CACNA1C: variants seen among roughly 807,000 people sequenced by gnomAD.
The protein encoded by CACNA1C is calcium voltage-gated channel subunit alpha1 C, also known as voltage-dependent L-type calcium channel subunit alpha-1C.
A neutral mutation model predicts 229.0 loss-of-function variants in CACNA1C; 30 were observed. The observed-to-expected ratio is 0.13, with a 90% CI of 0.10 to 0.18. The LOEUF (loss-of-function observed/expected upper bound fraction) is 0.18, where lower values mean the gene tolerates loss of function less well. Among genes scored for constraint, CACNA1C ranks in the 10% least tolerant of loss-of-function variants. The probability of loss-of-function intolerance (pLI) is 1.00; values close to 1 mark genes in which losing one functional copy is unlikely to be tolerated. For missense variants in CACNA1C, 1,658 were observed against 2,845.0 expected, an observed-to-expected ratio of 0.58 and a Z score of 9.49; for synonymous variants, 1,114 against 1,132.5, an observed-to-expected ratio of 0.98 and a Z score of 0.33.
rs943097581 is a variant in CACNA1C at position 2,117,007 on chromosome 12, G to A, written c.371+1462G>A. 3.3e-5 allele frequency among the ~76,000 whole-genome samples: 5 copies of A among 152,310 alleles called. No individual in the cohort carries two copies. In the East Asian group the frequency reaches 7.7e-4, roughly 24 times the overall value. Reference sequence around the variant, plus strand: ...TTTGAGGCCAGGTGCGGTGGCTCACGCCTGTAATCCCAGCACTTTGGGAAG... The same window carrying A: ...TTTGAGGCCAGGTGCGGTGGCTCACACCTGTAATCCCAGCACTTTGGGAAG... On this transcript the variant is annotated intron_variant, in intron 2 of 46. Transcript: ENST00000399655.
chr12:2,198,750 T>C (rs1369538753), intron 3 of CACNA1C, among the ~76,000 whole-genome samples: 1 of 152,144 alleles, frequency 6.6e-6, no homozygotes, highest in African/African-American at 2.4e-5. Context: ...AACTGCCCAC[T>C]ACGTGCTGTC....
At chr12:2,167,001 C>A (rs567249418) in intron 3 of CACNA1C, among the ~76,000 whole-genome samples, 1 of 152,264 alleles carries the variant, frequency 6.6e-6, no homozygotes, top group South Asian at 2.1e-4. Flanking sequence ...TAGAAAAGGG[C>A]GACCCATGAG....
chr12:2,069,032 G>A lies in CACNA1C; in HGVS notation c.49+15421G>A, dbSNP rs935054294. On this transcript the variant is annotated intron_variant, in intron 1 of 46. Coordinates refer to ENST00000399655, the MANE Select transcript of CACNA1C (RefSeq NM_000719.7). ...TCTGCATTTCTTTGGAGTTTGACTT[G>A]GCTTTAATAAAATGAAGGAGAAAAG... Among the ~76,000 whole-genome samples, 5 of 152,264 alleles carry A rather than the reference G, an allele frequency of 3.3e-5. No homozygotes were observed. In the East Asian group the frequency reaches 9.6e-4, roughly 29 times the overall value.
At chr12:2,432,561 C>T (rs1268465920) in intron 3 of CACNA1C, among the ~76,000 whole-genome samples, 1 of 152,112 alleles carries the variant, frequency 6.6e-6, no homozygotes, top group Non-Finnish European at 1.5e-5. Context: ...GGATTAGTGG[C>T]CGGGGCTAAG....
Position 2,019,489 on chromosome 12 carries a change from A to AAGGGAGGG in CACNA1C, c.139+48304_139+48311dup, listed in dbSNP as rs139670456. Among the ~76,000 whole-genome samples, 1,215 of 129,080 alleles carry AAGGGAGGG rather than the reference A, an allele frequency of 9.4e-3. 25 individuals are homozygous for AAGGGAGGG. Among genetic ancestry groups the AAGGGAGGG allele is most frequent in the African/African-American group, 0.033 (1,148 of 35,286 alleles). 84.7% of individuals were successfully genotyped at this position (129,080 alleles called of 152,430 possible). ...ATAAACATAACAAAGAAAGAAAAGA[A>AAGGGAGGG]AGGGAGGGAGGGAGGGAGGGAGGAA... On this transcript the variant is annotated intron_variant, in intron 1 of 46. Coordinates refer to the CACNA1C transcript ENST00000682462.
At chr12:2,175,026 A>G (rs1468704240) in intron 3 of CACNA1C, among the ~76,000 whole-genome samples, 1 of 150,096 alleles carries the variant, frequency 6.7e-6, no homozygotes, top group Non-Finnish European at 1.5e-5. Flanking sequence ...GAAAATCCAC[A>G]TGTAAGTGAC....
In CACNA1C at chr12:2,632,343, C is replaced by T. The variant is rs896732646; in HGVS notation, c.3829-1954C>T. 1.5e-4 allele frequency among the ~76,000 whole-genome samples: 22 copies of T among 151,670 alleles called. No individual in the cohort carries two copies. Among genetic ancestry groups the T allele is most frequent in the African/African-American group, 4.9e-4 (20 of 41,214 alleles). On this transcript the variant is annotated intron_variant, in intron 29 of 46. Coordinates refer to ENST00000399655, the MANE Select transcript of CACNA1C (RefSeq NM_000719.7). This position sits in a 1 kb window ranked among gnomAD's most constrained non-coding sequence, Gnocchi z 4.1. ...GCTGGGGGTGTATGGGGAATATGAT[C>T]GCCTGTAGCTGGGGGTGTATGCACC...
intron 5 of CACNA1C, among the ~76,000 whole-genome samples, chr12:2,477,247 A>G (rs150234387): frequency 1.1e-3 from 163 of 152,330 alleles, no homozygotes; most frequent in African/African-American, 3.7e-3. Context: ...TGTCACCACC[A>G]CAAATGCTGA....
At chr12:2,184,013 A>G (rs1488554769) in intron 3 of CACNA1C, among the ~76,000 whole-genome samples, 1 of 152,180 alleles carries the variant, frequency 6.6e-6, no homozygotes, top group Non-Finnish European at 1.5e-5. Flanking sequence ...CCTGGTCTGA[A>G]AGCTTTTGCA....
chr12:2,169,205 A>G (rs1449824474), intron 3 of CACNA1C, among the ~76,000 whole-genome samples: 2 of 152,060 alleles, frequency 1.3e-5, no homozygotes, highest in Admixed American at 6.6e-5. Context: ...CAGCAATATA[A>G]TTTTTGTGTG....
At position 2,655,189 on chromosome 12, in the gene CACNA1C, C is replaced by T. The variant is rs2095348398; in HGVS notation, c.4183C>T (p.Arg1395Trp). 1.2e-6 allele frequency: 2 copies of T among 1,613,790 alleles called. No individual in the cohort carries two copies. The highest frequency in any genetic ancestry group is 8.5e-7 in the Non-Finnish European group (1 of 1,179,746). The change falls in exon 34 of 47, where the codon CGG (arginine) becomes TGG (tryptophan). Residue 1395 changes from arginine to tryptophan, a missense_variant. By Grantham distance (101) the Arg-to-Trp change is moderately radical (BLOSUM62 -3). Around this residue, in one of 20 missense-constraint regions of CACNA1C, gnomAD observed 151 missense variants for 344.4 expected, o/e 0.44. Coordinates refer to ENST00000399655, the MANE Select transcript of CACNA1C (RefSeq NM_000719.7). ...IALNDTTEINRNNNFQTFPQA... is the reference protein window; with the variant it reads ...IALNDTTEINWNNNFQTFPQA... ...CCTGAATGATACCACAGAGATCAAC[C>T]GGAACAACAACTTTCAGACCTTCCC... is the stretch of plus-strand genomic sequence containing the variant.
At chr12:2,406,537 A>G (rs1469723802) in intron 3 of CACNA1C, among the ~76,000 whole-genome samples, 1 of 152,136 alleles carries the variant, frequency 6.6e-6, no homozygotes, top group African/African-American at 2.4e-5. Context: ...ATAATCTACT[A>G]TTGAGCCCAT....
chr12:2,005,583 C>G (rs2154480881), intron 1 of CACNA1C, among the ~76,000 whole-genome samples: 1 of 149,658 alleles, frequency 6.7e-6, no homozygotes, highest in East Asian at 2.0e-4. Flanking sequence ...GTATCTACTG[C>G]CATGAGCTTG....
intron 3 of CACNA1C, among the ~76,000 whole-genome samples, chr12:2,370,576 G>A (rs1463275025): frequency 6.6e-6 from 1 of 152,082 alleles, no homozygotes; most frequent in African/African-American, 2.4e-5. Context: ...TATATGGACA[G>A]CATATGAATT....
At chr12:2,175,223 C>T (rs772488960) in intron 3 of CACNA1C, among the ~76,000 whole-genome samples, 2 of 152,148 alleles carry the variant, frequency 1.3e-5, no homozygotes, top group Non-Finnish European at 1.5e-5. Context: ...CTTATTATGT[C>T]GAAATATCTT....
At position 2,566,328 on chromosome 12, in the gene CACNA1C, T is replaced by C; in HGVS notation, c.1509-94T>C. The C allele has an allele frequency of 8.4e-7, 1 of 1,190,874 alleles. No individual in the cohort carries two copies. The highest frequency in any genetic ancestry group is 1.2e-6 in the Non-Finnish European group (1 of 850,242). 73.8% of individuals were successfully genotyped at this position (1,190,874 alleles called of 1,614,324 possible). ...GGCTGCTCTAGCAAGGCCAGATCAGTGAGGGGCGAGAAGAGCCATGGTGCT... is the reference window on the plus strand; with the variant it reads ...GGCTGCTCTAGCAAGGCCAGATCAGCGAGGGGCGAGAAGAGCCATGGTGCT... On this transcript the variant is annotated intron_variant, in intron 11 of 46. Transcript: ENST00000399655. The surrounding 1 kb of genome is among the most constrained non-coding windows in gnomAD (Gnocchi z 4.0).
intron 3 of CACNA1C, among the ~76,000 whole-genome samples, chr12:2,180,435 C>T (rs1236630826): frequency 6.6e-6 from 1 of 152,176 alleles, no homozygotes; most frequent in East Asian, 1.9e-4. Context: ...AATGTCCCAG[C>T]AGGATGAGTC....
chr12:2,456,123 TCTCATCATTCCTGTTG>T (rs1023549422), intron 4 of CACNA1C, among the ~76,000 whole-genome samples: 1 of 152,210 alleles, frequency 6.6e-6, no homozygotes, highest in African/African-American at 2.4e-5. Flanking sequence ...TTCCGCCATA[TCTCATCATTCCTGTTG>T]CTCATGCCCA....
intron 29 of CACNA1C, chr12:2,615,089 G>A (rs1180995577): frequency 3.3e-5 from 5 of 152,190 alleles, no homozygotes. Flanking sequence ...GAGTGAGGTG[G>A]ATCATGCCAG....
Sources: gnomAD v4.1 joint callset for allele counts (sites outside exome capture counted in the v4.1 genomes callset) on GRCh38, gnomAD v4.1.1 for gene constraint, gnomAD v4.1.1 regional missense constraint, Gnocchi (gnomAD v3.1) non-coding constraint, MANE v1.5 for transcripts, NCBI Gene and HGNC (gene_info 2026-07-23, HGNC 2026-07-21) for gene names.